CCDC30: variants seen among roughly 807,000 people sequenced by gnomAD.
The protein encoded by CCDC30 is coiled-coil domain containing 30.
A neutral mutation model predicts 100.2 loss-of-function variants in CCDC30; 70 were observed. The observed-to-expected ratio is 0.70, with a 90% CI of 0.58 to 0.85. The LOEUF is 0.85. Ranked by LOEUF, CCDC30 falls within the 40% of genes least tolerant of loss-of-function variation. CCDC30 has a pLI of 0.00. For missense variants in CCDC30, 652 were observed against 771.2 expected, an observed-to-expected ratio of 0.85 and a Z score of 1.83; for synonymous variants, 233 against 269.5, an observed-to-expected ratio of 0.86 and a Z score of 1.33.
At chr1:42,508,996 G>T (rs576589958) in intron 6 of CCDC30, among the ~76,000 whole-genome samples, 27 of 152,230 alleles carry the variant, frequency 1.8e-4, no homozygotes, top group African/African-American at 5.8e-4. Context: ...AAGTTTTTCA[G>T]CTTTTGAACT....
At chr1:42,528,063 A>G (rs1236468995) in intron 6 of CCDC30, among the ~76,000 whole-genome samples, 3 of 151,912 alleles carry the variant, frequency 2.0e-5, no homozygotes, top group Non-Finnish European at 4.4e-5. Flanking sequence ...ATGGGGTTTC[A>G]CCACATTGGC....
At chr1:42,620,250 G>A (rs1646805277) in intron 11 of CCDC30, among the ~76,000 whole-genome samples, 1 of 152,132 alleles carries the variant, frequency 6.6e-6, no homozygotes, top group Non-Finnish European at 1.5e-5. Flanking sequence ...AGGAGTAGGG[G>A]AAGAGAGAGA....
chr1:42,484,062 C>A (rs1569762065), intron 3 of CCDC30, among the ~76,000 whole-genome samples: 1 of 130,616 alleles, frequency 7.7e-6, no homozygotes, highest in African/African-American at 2.6e-5. Context: ...ACTTTAGAAT[C>A]ATAAACATTA....
chr1:42,521,547 A>G (rs1644647346), intron 6 of CCDC30, among the ~76,000 whole-genome samples: 1 of 152,162 alleles, frequency 6.6e-6, no homozygotes, highest in Non-Finnish European at 1.5e-5. Context: ...TGGTTATAGC[A>G]TCTTGTATAT....
chr1:42,587,087 T>G (rs535755508), intron 9 of CCDC30, among the ~76,000 whole-genome samples: 1 of 152,152 alleles, frequency 6.6e-6, no homozygotes, highest in Admixed American at 6.5e-5. Context: ...AGCCTTGACC[T>G]CCCAGGCTCA....
At chr1:42,583,636 C>T (rs1213587544) in intron 9 of CCDC30, among the ~76,000 whole-genome samples, 2 of 152,064 alleles carry the variant, frequency 1.3e-5, no homozygotes, top group East Asian at 1.9e-4. Flanking sequence ...ATTTCAGTGA[C>T]ATAATATATA....
At chr1:42,581,437 G>A (rs1250663996) in exon 9 of CCDC30, 1 of 1,613,634 alleles carries the variant, frequency 6.2e-7, no homozygotes, top group Non-Finnish European at 8.5e-7. Context: ...AGAAGCAGCA[G>A]CTAGAGGAAA....
At chr1:42,538,145 T>A in intron 6 of CCDC30, among the ~76,000 whole-genome samples, 1 of 78,934 alleles carries the variant, frequency 1.3e-5, no homozygotes, top group East Asian at 5.0e-4. Context: ...GGACACTGTC[T>A]CCACAAAAAA....
intron 1 of CCDC30, among the ~76,000 whole-genome samples, chr1:42,477,203 G>A (rs1434350607): frequency 6.6e-6 from 1 of 151,804 alleles, no homozygotes; most frequent in Admixed American, 6.6e-5. Flanking sequence ...AGAAGATATT[G>A]TATGTCCTAC....
At chr1:42,615,685 T>C (rs527976419) in intron 11 of CCDC30, among the ~76,000 whole-genome samples, 1 of 152,144 alleles carries the variant, frequency 6.6e-6, no homozygotes, top group Non-Finnish European at 1.5e-5. Flanking sequence ...ATGATCAGTA[T>C]CTAATGCTGT....
At chr1:42,487,664 C>G (rs1402042179) in intron 3 of CCDC30, among the ~76,000 whole-genome samples, 1 of 152,056 alleles carries the variant, frequency 6.6e-6, no homozygotes, top group African/African-American at 2.4e-5. Flanking sequence ...TAAATAATGA[C>G]TTTGAAGATG....
At chr1:42,653,405 C>T (rs754236776) in exon 16 of CCDC30, 47 of 1,603,228 alleles carry the variant, frequency 2.9e-5, no homozygotes, top group Middle Eastern at 1.7e-4. Flanking sequence ...TCCTTGAATC[C>T]GAAGTAGTGA....
intron 4 of CCDC30, among the ~76,000 whole-genome samples, chr1:42,490,665 T>C (rs1388334649): frequency 6.6e-6 from 1 of 152,090 alleles, no homozygotes; most frequent in Non-Finnish European, 1.5e-5. Context: ...CATACCACCC[T>C]GAACACACAT....
chr1:42,526,417 G>A (rs1249268010), intron 6 of CCDC30, among the ~76,000 whole-genome samples: 3 of 151,370 alleles, frequency 2.0e-5, no homozygotes, highest in Admixed American at 6.6e-5. Context: ...TTTTCTTCTC[G>A]CTGAGTAATT....
At chr1:42,529,880 C>T (rs6661259) in intron 6 of CCDC30, among the ~76,000 whole-genome samples, 37,221 of 152,114 alleles carry the variant, frequency 0.24, 4,957 homozygotes, top group South Asian at 0.42. Context: ...GTTTCAGCTA[C>T]CTGCAGTCAA....
chr1:42,499,754 A>G (rs1000773493), intron 6 of CCDC30, among the ~76,000 whole-genome samples: 1 of 151,294 alleles, frequency 6.6e-6, no homozygotes, highest in South Asian at 2.1e-4. Context: ...GATTACAGGC[A>G]TGTGCCACTG....
chr1:42,475,771 A>G (rs1052613323), intron 1 of CCDC30, among the ~76,000 whole-genome samples: 3 of 152,174 alleles, frequency 2.0e-5, no homozygotes, highest in Admixed American at 1.3e-4. Context: ...TATAATCAGT[A>G]TCAGCTCCTC....
chr1:42,621,789 G>T (rs557159084), intron 11 of CCDC30, among the ~76,000 whole-genome samples: 1 of 152,120 alleles, frequency 6.6e-6, no homozygotes, highest in Non-Finnish European at 1.5e-5. Context: ...GGGATTACAG[G>T]TGTGAGCCAC....
chr1:42,572,452 C>T (rs1433276512), intron 7 of CCDC30, among the ~76,000 whole-genome samples: 3 of 151,964 alleles, frequency 2.0e-5, no homozygotes, highest in African/African-American at 7.3e-5. Flanking sequence ...GACTCTGTGG[C>T]TTGCATTTTC....
Sources: gnomAD v4.1 joint callset for allele counts (sites outside exome capture counted in the v4.1 genomes callset) on GRCh38, gnomAD v4.1.1 for gene constraint, MANE v1.5 for transcripts, NCBI Gene and HGNC (gene_info 2026-07-23, HGNC 2026-07-21) for gene names.